FMO4: variants seen among roughly 807,000 people sequenced by gnomAD.
FMO4 encodes the protein dimethylaniline monooxygenase [N-oxide-forming] 4.
A neutral mutation model predicts 43.3 loss-of-function variants in FMO4; 38 were observed. The ratio of observed to expected loss-of-function variants is 0.88; its 90% confidence interval spans 0.68 to 1.15. FMO4 has a LOEUF of 1.15. Ranked by LOEUF, FMO4 falls within the 50% of genes most tolerant of loss-of-function variation. The pLI, the probability that FMO4 is intolerant of heterozygous loss-of-function variation, is 0.00. For synonymous variants in FMO4, 224 were observed against 232.2 expected, an observed-to-expected ratio of 0.96 and a Z score of 0.32; for missense variants, 631 against 663.3, an observed-to-expected ratio of 0.95 and a Z score of 0.54.
chr1:171,337,266 G>A (rs1663158274), intron 8 of FMO4, 90 bp from the exon 9 acceptor site: 1 of 834,858 alleles, frequency 1.2e-6, no homozygotes, highest in Non-Finnish European at 2.1e-6. Context: ...TGAAGTTAGA[G>A]CAGTGGGAGG....
Position 171,340,984 on chromosome 1 carries a change from T to G in FMO4, c.1251-429T>G, listed in dbSNP as rs1403826487. 3.3e-5 allele frequency among the ~76,000 whole-genome samples: 5 copies of G among 152,198 alleles called. 1 individual carries two copies. In the East Asian group the frequency reaches 9.6e-4, roughly 29 times the overall value. On this transcript the variant is annotated intron_variant, in intron 9 of 9. Transcript: ENST00000367749. ...AAAAACATAAAAAGCAGAACTTTAATGTGAAGACTTTTTTGCTATAATCAT... is the reference window on the plus strand; with the variant it reads ...AAAAACATAAAAAGCAGAACTTTAAGGTGAAGACTTTTTTGCTATAATCAT...
At chr1:171,328,269 C>T (rs1289730197) in intron 5 of FMO4, among the ~76,000 whole-genome samples, 1 of 152,126 alleles carries the variant, frequency 6.6e-6, no homozygotes, top group Non-Finnish European at 1.5e-5. Flanking sequence ...TCTCGAACTC[C>T]TGACCTCAGG....
chr1:171,333,062 G>A (rs923461475), intron 7 of FMO4, 154 bp downstream of exon 7: 1 of 553,116 alleles, frequency 1.8e-6, no homozygotes, highest in African/African-American at 1.9e-5. Context: ...AGGTACCACA[G>A]CAGTTTTTAA....
chr1:171,339,583 T>G (rs1358545818), intron 9 of FMO4, among the ~76,000 whole-genome samples: 1 of 152,032 alleles, frequency 6.6e-6, no homozygotes, highest in Non-Finnish European at 1.5e-5. Flanking sequence ...ACCAAAAACT[T>G]TTGAGAAGTC....
chr1:171,326,875 T>C (rs1031444207), intron 5 of FMO4, among the ~76,000 whole-genome samples: 1 of 152,226 alleles, frequency 6.6e-6, no homozygotes, highest in East Asian at 1.9e-4. Flanking sequence ...TTCTTTCCAA[T>C]ATAAATTGAC....
chr1:171,336,032 C>T (rs890814688), intron 8 of FMO4, among the ~76,000 whole-genome samples: 1 of 152,050 alleles, frequency 6.6e-6, no homozygotes, highest in East Asian at 1.9e-4. Context: ...CTGAGAACTT[C>T]CAAAAAGCAA....
chr1:171,339,660 G>A lies in FMO4; in HGVS notation c.1251-1753G>A, dbSNP rs1663278677. On this transcript the variant is annotated intron_variant, in intron 9 of 9. Coordinates refer to ENST00000367749, the MANE Select transcript of FMO4 (RefSeq NM_002022.3). ...AGCTAGCAGATGCCCGGAGAAACCT[G>A]AAAAGTGCTAAGGCTGATGCCAAGG... Among the ~76,000 whole-genome samples the A allele has an allele frequency of 2.6e-5, 4 of 152,194 alleles. No individual in the cohort carries two copies. The South Asian group carries it at 8.3e-4, about 32-fold the overall frequency.
Position 171,324,171 on chromosome 1 carries a change from T to A in FMO4, c.355T>A (p.Phe119Ile), listed in dbSNP as rs1453855589. Residue 119 changes from phenylalanine to isoleucine, a missense_variant, in exon 5 of 10, where the codon TTC (phenylalanine) becomes ATC (isoleucine). Physicochemically the swap from Phe to Ile is conservative, Grantham distance 21 (BLOSUM62 0). Transcript: ENST00000367749. ...GTGCAGCATAACGAAGCGTCCAGAC[T>A]TCTCCGAAACTGGTCAGTGGGATGT... is the stretch of plus-strand genomic sequence containing the variant. ...TVCSITKRPD[F>I]SETGQWDVVT... 6.2e-7 allele frequency: 1 copy of A among 1,613,350 alleles called. No homozygotes were observed. The highest frequency in any genetic ancestry group is 1.3e-5 in the African/African-American group (1 of 74,902).
intron 9 of FMO4, among the ~76,000 whole-genome samples, chr1:171,340,447 G>A (rs749605097): frequency 2.4e-4 from 37 of 152,222 alleles, no homozygotes; most frequent in Non-Finnish European, 5.1e-4. Flanking sequence ...AAAAAACCCA[G>A]TGCGCCTGTT....
chr1:171,333,652 G>A (rs982657924), intron 7 of FMO4, among the ~76,000 whole-genome samples: 4 of 152,038 alleles, frequency 2.6e-5, no homozygotes, highest in African/African-American at 9.7e-5. Context: ...TTTTTCTTTG[G>A]TAAGATATCT....
At chr1:171,336,167 A>C (rs1243636580) in intron 8 of FMO4, among the ~76,000 whole-genome samples, 1 of 152,224 alleles carries the variant, frequency 6.6e-6, no homozygotes, top group East Asian at 1.9e-4. Context: ...CTGGGCCAGC[A>C]CTTGGTACCT....
chr1:171,341,340 G>C (rs919276950), intron 9 of FMO4, 73 bp from the exon 10 acceptor site: 1 of 1,079,898 alleles, frequency 9.3e-7, no homozygotes, highest in Non-Finnish European at 1.3e-6. Context: ...TGGGAGGATG[G>C]GTGGGTCTGA....
intron 2 of FMO4, among the ~76,000 whole-genome samples, chr1:171,317,130 C>G (rs1001482246): frequency 5.3e-5 from 8 of 152,318 alleles, no homozygotes; most frequent in Admixed American, 3.3e-4. Context: ...ATACTCAGTG[C>G]AAACTCTGCC....
intron 5 of FMO4, 106 bp from the exon 6 acceptor site, chr1:171,331,534 A>C (rs1455861715): frequency 9.9e-7 from 1 of 1,007,992 alleles, no homozygotes; most frequent in African/African-American, 1.6e-5. Flanking sequence ...TAAGCAAAGG[A>C]CTGCCATAGT....
At chr1:171,325,816 C>CTTTTTTT (rs1558037717) in intron 5 of FMO4, among the ~76,000 whole-genome samples, 2 of 75,594 alleles carry the variant, frequency 2.6e-5, no homozygotes, top group African/African-American at 8.6e-5. Context: ...CATAGACTAT[C>CTTTTTTT]CTTTTTTTTT....
chr1:171,329,265 T>C (rs557597732), intron 5 of FMO4, among the ~76,000 whole-genome samples: 1 of 152,184 alleles, frequency 6.6e-6, no homozygotes, highest in East Asian at 1.9e-4. Flanking sequence ...TCAGGTGGTG[T>C]CCCAGGTTCT....
Position 171,324,887 on chromosome 1 carries a change from C to T in FMO4, c.484+587C>T, listed in dbSNP as rs1409908917. ...CTGTAATCCCAGTACTTTGGGAGGC[C>T]GAGGGAGGCCAGAAGTAGGAGACCA... On this transcript the variant is annotated intron_variant, in intron 5 of 9. Coordinates refer to ENST00000367749, the MANE Select transcript of FMO4 (RefSeq NM_002022.3). Among the ~76,000 whole-genome samples, 3 of 151,590 alleles carry T rather than the reference C, an allele frequency of 2.0e-5. No homozygotes were observed. In the South Asian group the frequency reaches 6.2e-4, roughly 32 times the overall value.
chr1:171,325,243 T>A (rs1662610271), intron 5 of FMO4, among the ~76,000 whole-genome samples: 1 of 152,234 alleles, frequency 6.6e-6, no homozygotes, highest in African/African-American at 2.4e-5. Flanking sequence ...TACTCATGAC[T>A]GACAAATTGC....
At chr1:171,334,846 C>A (rs1663056295) in intron 8 of FMO4, 83 bp downstream of exon 8, 1 of 726,108 alleles carries the variant, frequency 1.4e-6, no homozygotes, top group Admixed American at 3.0e-5. Flanking sequence ...CAGATGTGAA[C>A]TAAAGTAACA....
Sources: gnomAD v4.1 joint callset for allele counts (sites outside exome capture counted in the v4.1 genomes callset) on GRCh38, gnomAD v4.1.1 for gene constraint, MANE v1.5 for transcripts, NCBI Gene and HGNC (gene_info 2026-07-23, HGNC 2026-07-21) for gene names.